CLASP2: variants seen among roughly 807,000 people sequenced by gnomAD.
CLASP2 encodes the protein CLIP-associating protein 2.
In CLASP2, 47 loss-of-function variants were observed where a neutral mutation model predicts 194.4. The observed-to-expected ratio is 0.24, with a 90% CI of 0.19 to 0.31. The LOEUF (loss-of-function observed/expected upper bound fraction) is 0.31, where lower values mean the gene tolerates loss of function less well. CLASP2 is among the 10% of genes least tolerant of loss of function. CLASP2 has a pLI of 1.00. For synonymous variants in CLASP2, 619 were observed against 633.5 expected (o/e 0.98, Z 0.34); for missense variants, 1,445 against 1,823.6 (o/e 0.79, Z 3.78).
chr3:33,632,403 G>T, intron 8 of CLASP2, 32 bp from the exon 9 acceptor site: 2 of 1,472,654 alleles, frequency 1.4e-6, no homozygotes, highest in Non-Finnish European at 1.9e-6. Context: ...ATTTCCTAAG[G>T]TTCATTTTTA....
chr3:33,675,524 C>T (rs1443876064), intron 6 of CLASP2, among the ~76,000 whole-genome samples: 2 of 148,600 alleles, frequency 1.3e-5, no homozygotes, highest in Non-Finnish European at 3.0e-5. Context: ...TGAAAACTGG[C>T]ACAAGACAGG....
intron 6 of CLASP2, among the ~76,000 whole-genome samples, chr3:33,672,391 G>C (rs892705100): frequency 2.0e-5 from 3 of 152,172 alleles, no homozygotes; most frequent in Admixed American, 6.5e-5. Flanking sequence ...GGTCCTGTCT[G>C]TTAGAAGGAA....
chr3:33,696,821 TA>T, intron 2 of CLASP2, 33 bp downstream of exon 2: 1 of 1,319,780 alleles, frequency 7.6e-7, no homozygotes, highest in Non-Finnish European at 1.1e-6. Flanking sequence ...TGTCAAATCT[TA>T]TTTAGAATTG....
At chr3:33,697,541 A>T (rs1467297845) in intron 1 of CLASP2, among the ~76,000 whole-genome samples, 1 of 152,214 alleles carries the variant, frequency 6.6e-6, no homozygotes, top group South Asian at 2.1e-4. Context: ...TGGGACCACC[A>T]TTGTATATAC....
intron 8 of CLASP2, among the ~76,000 whole-genome samples, chr3:33,642,981 T>A (rs1051766622): frequency 6.6e-6 from 1 of 151,960 alleles, no homozygotes; most frequent in Non-Finnish European, 1.5e-5. Context: ...GTTGCTTAGA[T>A]GGCTGATAAA....
At chr3:33,659,130 T>TGCACC (rs1234151160) in intron 7 of CLASP2, 3 of 1,425,720 alleles carry the variant, frequency 2.1e-6, no homozygotes, top group Non-Finnish European at 2.7e-6. Flanking sequence ...GCTGCAGCTC[T>TGCACC]GCACCGCAAT....
intron 19 of CLASP2, 60 bp from the exon 20 acceptor site, chr3:33,595,028 T>C (rs748887301): frequency 1.0e-5 from 11 of 1,050,200 alleles, no homozygotes; most frequent in Middle Eastern, 2.1e-4. Flanking sequence ...TATTAAGACC[T>C]ACCTCACAGT....
At chr3:33,513,138 G>A (rs1022225987) in intron 36 of CLASP2, among the ~76,000 whole-genome samples, 2 of 152,090 alleles carry the variant, frequency 1.3e-5, no homozygotes, top group African/African-American at 4.8e-5. Flanking sequence ...TGGGTCAAAA[G>A]GTAGATAACT....
intron 10 of CLASP2, among the ~76,000 whole-genome samples, chr3:33,623,680 G>A (rs149287420): frequency 6.6e-6 from 1 of 152,140 alleles, no homozygotes; most frequent in East Asian, 1.9e-4. Context: ...ATTCACTGAT[G>A]GACATTTAGG....
At chr3:33,676,112 C>T (rs1161593613) in intron 6 of CLASP2, among the ~76,000 whole-genome samples, 1 of 152,050 alleles carries the variant, frequency 6.6e-6, no homozygotes, top group Non-Finnish European at 1.5e-5. Context: ...CCAAAAAGAG[C>T]CCGCATTGCC....
chr3:33,561,866 C>T (rs1189927876), intron 27 of CLASP2, among the ~76,000 whole-genome samples: 1 of 151,864 alleles, frequency 6.6e-6, no homozygotes, highest in Non-Finnish European at 1.5e-5. Context: ...TATTACTGGA[C>T]AAATCATAAT....
chr3:33,539,956 T>C (rs925668921), intron 32 of CLASP2, among the ~76,000 whole-genome samples: 6 of 151,198 alleles, frequency 4.0e-5, no homozygotes, highest in Non-Finnish European at 8.8e-5. Flanking sequence ...TCACTCTTGT[T>C]GCCCAGGCTG....
At chr3:33,602,456 G>A (rs891810953) in intron 18 of CLASP2, 11 of 702,096 alleles carry the variant, frequency 1.6e-5, no homozygotes, top group Middle Eastern at 2.3e-4. Flanking sequence ...GCAAACCAAC[G>A]TCAACTTTTT....
At chr3:33,641,286 C>A (rs2081233287) in intron 8 of CLASP2, among the ~76,000 whole-genome samples, 1 of 151,752 alleles carries the variant, frequency 6.6e-6, no homozygotes, top group Admixed American at 6.6e-5. Context: ...ATTCTAGTAA[C>A]CATTGAGCCA....
In CLASP2 at chr3:33,658,606, T is replaced by C. The variant is rs554639396; in HGVS notation, c.715+4839A>G. Among the ~76,000 whole-genome samples, 24 of 152,324 alleles carry C rather than the reference T, an allele frequency of 1.6e-4. No homozygotes were observed. In the East Asian group the frequency reaches 2.3e-3, roughly 15 times the overall value. On this transcript the variant is annotated intron_variant, in intron 7 of 38. Coordinates refer to ENST00000682230, the MANE Select transcript of CLASP2 (RefSeq NM_001365631.1). Reference sequence around the variant, plus strand: ...ACAACAGGAAGGATATCAAGCTAGCTAGTCAAATCTTCCTGCTAAAATCTG... The same window carrying C: ...ACAACAGGAAGGATATCAAGCTAGCCAGTCAAATCTTCCTGCTAAAATCTG...
chr3:33,620,105 C>CATT, intron 11 of CLASP2, among the ~76,000 whole-genome samples: 1 of 152,280 alleles, frequency 6.6e-6, no homozygotes, highest in Middle Eastern at 3.4e-3. Context: ...TTTGATGATC[C>CATT]ATTATCAATC....
rs2084784632 is a variant in CLASP2, at chr3:33,658,887, G to T, written c.715+4558C>A. 25 of 1,227,518 alleles carry T rather than the reference G, an allele frequency of 2.0e-5. No homozygotes were observed. The Middle Eastern group carries it at 3.9e-3, about 194-fold the overall frequency. The allele number at this position is 1,227,518 out of a possible 1,614,324, so 76.0% of individuals were successfully genotyped here. A position where few individuals can be genotyped will look rare whatever the true frequency, so the allele number is the denominator to read the frequency against. ...ACAAGTGTCCTTCATTCTTTAGGGAGAAATATATTTCTTACACAGCAAATG... is the reference window on the plus strand; with the variant it reads ...ACAAGTGTCCTTCATTCTTTAGGGATAAATATATTTCTTACACAGCAAATG... On this transcript the variant is annotated intron_variant, in intron 7 of 38. Transcript: ENST00000682230.
At chr3:33,640,500 CAAT>C (rs1324100340) in intron 8 of CLASP2, among the ~76,000 whole-genome samples, 2 of 151,916 alleles carry the variant, frequency 1.3e-5, no homozygotes. Context: ...TAGATAGAAA[CAAT>C]ACAGAGAAAA....
intron 1 of CLASP2, among the ~76,000 whole-genome samples, chr3:33,717,127 C>T (rs906130076): frequency 7.9e-5 from 12 of 152,192 alleles, no homozygotes; most frequent in Non-Finnish European, 1.6e-4. Flanking sequence ...TTTTTCCCCC[C>T]CAGCATTAGC....
Sources: gnomAD v4.1 joint callset for allele counts (sites outside exome capture counted in the v4.1 genomes callset) on GRCh38, gnomAD v4.1.1 for gene constraint, MANE v1.5 for transcripts, NCBI Gene and HGNC (gene_info 2026-07-23, HGNC 2026-07-21) for gene names.